Variants in CTNNBL1 observed in about 807,000 individuals in gnomAD.
CTNNBL1 encodes catenin beta like 1.
In CTNNBL1, 31 loss-of-function variants were observed where a neutral mutation model predicts 72.7. The ratio of observed to expected loss-of-function variants is 0.43; its 90% CI spans 0.32 to 0.58. The LOEUF is 0.58. Ranked by LOEUF, CTNNBL1 falls within the 20% of genes least tolerant of loss-of-function variation. The probability of loss-of-function intolerance (pLI) is 0.08; values close to 1 mark genes in which losing one functional copy is unlikely to be tolerated. For synonymous variants in CTNNBL1, 240 were observed against 267.3 expected (o/e 0.90, Z 1.00); for missense variants, 534 against 725.1 (o/e 0.74, Z 3.03).
chr20:37,780,227 C>G (rs993776992), intron 10 of CTNNBL1, among the ~76,000 whole-genome samples: 3 of 151,394 alleles, frequency 2.0e-5, no homozygotes, highest in African/African-American at 7.3e-5. Flanking sequence ...ACTGAAAGTT[C>G]TGTTGAACTA....
intron 11 of CTNNBL1, among the ~76,000 whole-genome samples, chr20:37,808,725 A>G (rs145607201): frequency 1.3e-5 from 2 of 152,014 alleles, no homozygotes; most frequent in African/African-American, 4.8e-5. Flanking sequence ...ACCTTCATCT[A>G]TCTGTGGTTG....
At chr20:37,797,398 G>A (rs2073787104) in intron 10 of CTNNBL1, among the ~76,000 whole-genome samples, 3 of 150,666 alleles carry the variant, frequency 2.0e-5, no homozygotes, top group Admixed American at 1.3e-4. Flanking sequence ...TCCAGGAAAG[G>A]AGAGGGTTTT....
chr20:37,835,206 C>T (rs2072243395), intron 11 of CTNNBL1, among the ~76,000 whole-genome samples: 1 of 152,162 alleles, frequency 6.6e-6, no homozygotes. Flanking sequence ...AAACATTATT[C>T]CTTTGGGCTT....
intron 11 of CTNNBL1, among the ~76,000 whole-genome samples, chr20:37,833,656 A>G (rs553560368): frequency 3.9e-5 from 6 of 152,230 alleles, no homozygotes; most frequent in South Asian, 2.1e-4. Flanking sequence ...AGTGGGAACT[A>G]CCACATCCAC....
intron 1 of CTNNBL1, among the ~76,000 whole-genome samples, chr20:37,730,301 A>T (rs2073118438): frequency 6.6e-6 from 1 of 152,202 alleles, no homozygotes; most frequent in Non-Finnish European, 1.5e-5. Context: ...GGTGGGTGTG[A>T]TTACTATATC....
intron 1 of CTNNBL1, among the ~76,000 whole-genome samples, chr20:37,731,194 C>T (rs919699228): frequency 1.3e-4 from 19 of 151,792 alleles, no homozygotes; most frequent in African/African-American, 4.1e-4. Flanking sequence ...ATTCAGCATT[C>T]AGTGCAATAG....
At chr20:37,740,521 A>G (rs1163997242) in intron 3 of CTNNBL1, among the ~76,000 whole-genome samples, 1 of 152,186 alleles carries the variant, frequency 6.6e-6, no homozygotes, top group Non-Finnish European at 1.5e-5. Flanking sequence ...CACCACATTG[A>G]CTAGAGTGTG....
chr20:37,766,162 G>A (rs991206143), intron 6 of CTNNBL1, among the ~76,000 whole-genome samples: 3 of 152,144 alleles, frequency 2.0e-5, no homozygotes, highest in African/African-American at 7.2e-5. Flanking sequence ...GGGAAGAGGA[G>A]GAACACAACA....
chr20:37,841,802 A>C (rs1205465181), intron 12 of CTNNBL1, among the ~76,000 whole-genome samples: 2 of 152,232 alleles, frequency 1.3e-5, no homozygotes, highest in Non-Finnish European at 2.9e-5. Flanking sequence ...GCCAAGCAAA[A>C]GTCAGGGCCT....
intron 4 of CTNNBL1, among the ~76,000 whole-genome samples, chr20:37,748,778 C>G (rs937862878): frequency 5.9e-5 from 9 of 152,178 alleles, no homozygotes; most frequent in African/African-American, 2.2e-4. Context: ...AGTGAGGGAG[C>G]TCGCTGTGTC....
intron 1 of CTNNBL1, among the ~76,000 whole-genome samples, chr20:37,697,726 C>T (rs2122534637): frequency 6.6e-6 from 1 of 152,272 alleles, no homozygotes; most frequent in Middle Eastern, 3.4e-3. Flanking sequence ...GAATCCTGGT[C>T]TCCTTATTAT....
At chr20:37,764,397 AG>A (rs1339644520) in intron 5 of CTNNBL1, among the ~76,000 whole-genome samples, 1 of 152,206 alleles carries the variant, frequency 6.6e-6, no homozygotes, top group Admixed American at 6.5e-5. Flanking sequence ...GATTGTGCAC[AG>A]GAGGTAGCAT....
chr20:37,865,774 T>C (rs1481778850), intron 15 of CTNNBL1, among the ~76,000 whole-genome samples: 1 of 152,228 alleles, frequency 6.6e-6, no homozygotes. Context: ...GGAGCAGCCA[T>C]GGCTACTGCA....
chr20:37,810,860 C>G (rs2072006129), intron 11 of CTNNBL1, among the ~76,000 whole-genome samples: 1 of 152,190 alleles, frequency 6.6e-6, no homozygotes, highest in Admixed American at 6.5e-5. Flanking sequence ...CATTTACCAG[C>G]TTTGTGACTT....
chr20:37,862,180 A>T (rs1011898619), intron 15 of CTNNBL1, among the ~76,000 whole-genome samples: 1 of 152,114 alleles, frequency 6.6e-6, no homozygotes, highest in Non-Finnish European at 1.5e-5. Flanking sequence ...TCTCATTCTC[A>T]GTGTCAGATT....
chr20:37,769,071 G>A lies in CTNNBL1; in HGVS notation c.750+1027G>A, dbSNP rs573496751. On this transcript the variant is annotated intron_variant, in intron 7 of 15. Transcript: ENST00000361383. The stretch of plus-strand genomic sequence containing the variant: ...TGGGATTACAGGCGTGAAACACCGT[G>A]CCTGGCCTATAAATTAAACTTTATT... Among the ~76,000 whole-genome samples, 7 of 152,318 alleles carry A rather than the reference G, an allele frequency of 4.6e-5. No individual in the cohort carries two copies. In the South Asian group the frequency reaches 1.0e-3, roughly 23 times the overall value.
chr20:37,696,084 T>C (rs1276641830), intron 1 of CTNNBL1, among the ~76,000 whole-genome samples: 4 of 152,238 alleles, frequency 2.6e-5, no homozygotes, highest in Non-Finnish European at 4.4e-5. Flanking sequence ...CCATTAAAGC[T>C]AGAAGAGTTT....
chr20:37,711,709 A>G (rs1364282053), intron 1 of CTNNBL1, among the ~76,000 whole-genome samples: 1 of 151,892 alleles, frequency 6.6e-6, no homozygotes, highest in Non-Finnish European at 1.5e-5. Flanking sequence ...GAGAGGTGAC[A>G]TTTGAGCTGT....
intron 11 of CTNNBL1, among the ~76,000 whole-genome samples, chr20:37,822,348 C>T (rs2072115955): frequency 6.6e-6 from 1 of 152,192 alleles, no homozygotes; most frequent in Non-Finnish European, 1.5e-5. Context: ...CAGCATCTGC[C>T]TTGGCTGCCC....
Sources: allele counts gnomAD v4.1 joint callset (sites outside exome capture counted in the v4.1 genomes callset), GRCh38; gene constraint gnomAD v4.1.1; transcripts MANE v1.5; gene names NCBI Gene and HGNC (gene_info 2026-07-23, HGNC 2026-07-21).